The following FMN1 variants were observed in gnomAD, a reference collection of about 807,000 sequenced individuals.
FMN1 encodes the protein formin 1, also known as formin-1.
In FMN1, 110 loss-of-function variants were observed where a neutral mutation model predicts 132.4. The observed-to-expected ratio is 0.83, with a 90% CI of 0.71 to 0.97. The LOEUF is 0.97. FMN1 is among the 50% of genes least tolerant of loss of function. FMN1 has a pLI of 0.00. For synonymous variants in FMN1, 722 were observed against 651.7 expected (o/e 1.11, Z -1.64); for missense variants, 1,792 against 1,705.3 (o/e 1.05, Z -0.90).
chr15:32,899,809 C>A (rs2141589411), intron 14 of FMN1, 170 bp downstream of exon 14: 2 of 685,708 alleles, frequency 2.9e-6, no homozygotes, highest in Admixed American at 2.7e-5. Flanking sequence ...AAACAAAACT[C>A]TTTATTCGAA....
chr15:32,996,367 AC>A (rs2033770047), intron 7 of FMN1, among the ~76,000 whole-genome samples: 1 of 152,228 alleles, frequency 6.6e-6, no homozygotes, highest in Non-Finnish European at 1.5e-5. Flanking sequence ...ATGAATGGTC[AC>A]TTGACTTCAT....
At chr15:32,930,401 G>C (rs1009965032) in intron 9 of FMN1, among the ~76,000 whole-genome samples, 1 of 150,980 alleles carries the variant, frequency 6.6e-6, no homozygotes, top group Admixed American at 6.6e-5. Flanking sequence ...AAAAAACTTG[G>C]TATTTTTCAG....
rs772402084 is a variant in FMN1 at position 32,900,111 on chromosome 15, C to G, written c.3522G>C (p.Val1174=). The G allele has an allele frequency of 1.6e-5, 26 of 1,613,700 alleles. No individual in the cohort carries two copies. The Admixed American group carries it at 4.3e-4, about 27-fold the overall frequency. The change falls in exon 14 of 21, where the codon GTG becomes GTC. Residue 1174 remains valine (V), a synonymous_variant. Transcript: ENST00000616417. ...ITRASKDLLH[V]KSVKDILALI... ...GAGCTAAAATATCCTTCACGCTCTT[C>G]ACGTGCAGCAAGTCCTGTGATGGCA...
At chr15:32,860,457 A>C (rs777950800) in intron 16 of FMN1, among the ~76,000 whole-genome samples, 1 of 152,130 alleles carries the variant, frequency 6.6e-6, no homozygotes, top group Admixed American at 6.5e-5. Context: ...ATTTGAGACA[A>C]GCTTGGCCAA....
chr15:32,778,525 T>C (rs938350872), intron 19 of FMN1, among the ~76,000 whole-genome samples: 1 of 151,940 alleles, frequency 6.6e-6, no homozygotes, highest in African/African-American at 2.4e-5. Context: ...AAAGCTGACA[T>C]ACACATGGTC....
chr15:33,065,095 T>C (rs1398511676), intron 5 of FMN1, 21 bp from the exon 6 acceptor site: 5 of 1,533,744 alleles, frequency 3.3e-6, no homozygotes, highest in Non-Finnish European at 4.5e-6. Flanking sequence ...AGCAGGCAAA[T>C]AGTAAGTGGA....
chr15:33,159,524 A>G (rs1046658590), intron 3 of FMN1, among the ~76,000 whole-genome samples: 3 of 152,236 alleles, frequency 2.0e-5, no homozygotes, highest in African/African-American at 7.2e-5. Context: ...TCCATGTAAG[A>G]TAAAGTAAGT....
intron 6 of FMN1, among the ~76,000 whole-genome samples, chr15:33,036,571 G>C (rs539141033): frequency 2.6e-5 from 4 of 152,126 alleles, no homozygotes; most frequent in Admixed American, 6.5e-5. Context: ...TATTGGTTCT[G>C]GAGCTAACTT....
At chr15:33,022,782 G>C (rs573610254) in intron 6 of FMN1, among the ~76,000 whole-genome samples, 3 of 152,194 alleles carry the variant, frequency 2.0e-5, no homozygotes, top group African/African-American at 7.2e-5. Context: ...GCACTAACGT[G>C]GGGCAGGAAG....
At chr15:32,911,743 G>C (rs1399546759) in intron 10 of FMN1, among the ~76,000 whole-genome samples, 1 of 152,118 alleles carries the variant, frequency 6.6e-6, no homozygotes, top group Non-Finnish European at 1.5e-5. Flanking sequence ...ATGGAACAGA[G>C]AGAAAAGAGG....
intron 6 of FMN1, among the ~76,000 whole-genome samples, chr15:33,050,691 G>T (rs1401198032): frequency 6.6e-6 from 1 of 152,136 alleles, no homozygotes; most frequent in Admixed American, 6.5e-5. Flanking sequence ...CAAGTAATGG[G>T]CCAGGACACA....
intron 4 of FMN1, 96 bp downstream of exon 4, chr15:33,152,950 GTC>G (rs1265650085): frequency 8.0e-7 from 1 of 1,257,552 alleles, no homozygotes; most frequent in African/African-American, 1.5e-5. Flanking sequence ...AGGAATTTTG[GTC>G]CATTGTTAAT....
At chr15:33,163,654 G>C (rs568052169) in intron 3 of FMN1, among the ~76,000 whole-genome samples, 1 of 149,398 alleles carries the variant, frequency 6.7e-6, no homozygotes, top group African/African-American at 2.5e-5. Context: ...TTTCACTCTT[G>C]TTGCCGAGGC....
At chr15:32,914,753 C>G (rs2140294211) in intron 10 of FMN1, among the ~76,000 whole-genome samples, 2 of 152,336 alleles carry the variant, frequency 1.3e-5, no homozygotes, top group African/African-American at 2.4e-5. Flanking sequence ...ACATTGCTAA[C>G]TAGCTCTGGG....
chr15:32,897,206 A>T (rs1410522184), intron 15 of FMN1, among the ~76,000 whole-genome samples: 1 of 152,104 alleles, frequency 6.6e-6, no homozygotes, highest in Non-Finnish European at 1.5e-5. Flanking sequence ...CCTGTTGGCT[A>T]TTTGTTTGTC....
chr15:33,141,798 A>G (rs1054451372), intron 4 of FMN1, among the ~76,000 whole-genome samples: 1 of 152,272 alleles, frequency 6.6e-6, no homozygotes, highest in African/African-American at 2.4e-5. Context: ...ATGACACTTC[A>G]GATGGAACCT....
intron 12 of FMN1, among the ~76,000 whole-genome samples, chr15:32,905,430 A>G (rs1364131515): frequency 6.6e-6 from 1 of 152,066 alleles, no homozygotes; most frequent in East Asian, 1.9e-4. Flanking sequence ...ATCACAATAG[A>G]CTGTGTATAG....
chr15:32,795,390 G>A (rs1207537237), intron 19 of FMN1, among the ~76,000 whole-genome samples: 5 of 152,052 alleles, frequency 3.3e-5, no homozygotes, highest in African/African-American at 1.2e-4. Flanking sequence ...AAAGGTGAGG[G>A]GCACTATGGC....
intron 5 of FMN1, among the ~76,000 whole-genome samples, chr15:33,072,738 C>A (rs994708728): frequency 6.6e-6 from 1 of 152,122 alleles, no homozygotes; most frequent in African/African-American, 2.4e-5. Flanking sequence ...GCCTGGCCAA[C>A]ATGGCGAAAT....
Sources: allele counts gnomAD v4.1 joint callset (sites outside exome capture counted in the v4.1 genomes callset), GRCh38; gene constraint gnomAD v4.1.1; transcripts MANE v1.5; gene names NCBI Gene and HGNC (gene_info 2026-07-23, HGNC 2026-07-21).